The following STK32B variants were observed in gnomAD, a reference collection of about 807,000 sequenced individuals.
STK32B encodes the protein serine/threonine kinase 32B, also known as serine/threonine-protein kinase 32B.
Under a neutral mutation model 52.6 loss-of-function variants are expected in STK32B, and 43 were observed. The observed-to-expected ratio is 0.82, with a 90% confidence interval of 0.64 to 1.05. The LOEUF is 1.05. STK32B is among the 50% of genes least tolerant of loss of function. The probability of loss-of-function intolerance (pLI) is 0.00; values close to 1 mark genes in which losing one functional copy is unlikely to be tolerated. For missense variants in STK32B, 621 were observed against 534.6 expected, an observed-to-expected ratio of 1.16 and a Z score of -1.59; for synonymous variants, 238 against 204.3, an observed-to-expected ratio of 1.17 and a Z score of -1.41.
chr4:5,420,112 G>A (rs1293833454), intron 6 of STK32B, among the ~76,000 whole-genome samples: 1 of 152,106 alleles, frequency 6.6e-6, no homozygotes, highest in Non-Finnish European at 1.5e-5. Context: ...GGCTTAGGAG[G>A]TTGGGTGACT....
intron 4 of STK32B, among the ~76,000 whole-genome samples, chr4:5,355,266 AT>A (rs2108990672): frequency 6.6e-6 from 1 of 152,254 alleles, no homozygotes; most frequent in East Asian, 1.9e-4. Context: ...GCCCACTGCT[AT>A]TATCGTTATA....
chr4:5,412,410 G>T (rs1029303712), intron 5 of STK32B, among the ~76,000 whole-genome samples: 1 of 152,182 alleles, frequency 6.6e-6, no homozygotes, highest in Non-Finnish European at 1.5e-5. Flanking sequence ...AGCATAGCCA[G>T]GGGAAAGCAG....
chr4:5,122,721 G>T (rs1715134922), intron 1 of STK32B, among the ~76,000 whole-genome samples: 2 of 152,126 alleles, frequency 1.3e-5, no homozygotes, highest in South Asian at 4.2e-4. Context: ...GCCAACGCTT[G>T]GAGGACTTAC....
chr4:5,088,142 G>C (rs920940398), intron 1 of STK32B, among the ~76,000 whole-genome samples: 2 of 152,014 alleles, frequency 1.3e-5, no homozygotes, highest in African/African-American at 4.8e-5. Context: ...TAAAAGGAAA[G>C]CTGGAAGATT....
Position 5,317,180 on chromosome 4 carries a change from A to ATATAACATATATATAT in STK32B, c.261-14036_261-14035insACATATATATATTATA, listed in dbSNP as rs1731042373. Among the ~76,000 whole-genome samples, 14 of 49,562 alleles carry ATATAACATATATATAT rather than the reference A, an allele frequency of 2.8e-4. 3 individuals are homozygous for ATATAACATATATATAT. The highest frequency in any genetic ancestry group is 2.6e-3 in the African/African-American group (14 of 5,400). 32.5% of individuals were successfully genotyped at this position (49,562 alleles called of 152,430 possible). ...ATATTACATATATATAACATATAAT[A>ATATAACATATATATAT]TATATATATAACATATATATATTAT... On this transcript the variant is annotated intron_variant, in intron 3 of 11. Coordinates refer to ENST00000282908, the MANE Select transcript of STK32B (RefSeq NM_018401.3).
chr4:5,239,016 C>A (rs1466560957), intron 3 of STK32B, among the ~76,000 whole-genome samples: 4 of 152,158 alleles, frequency 2.6e-5, no homozygotes, highest in Admixed American at 2.6e-4. Context: ...ATTTATCTTA[C>A]ATTTTGAAGG....
chr4:5,054,948 AT>A (rs1201525856), intron 1 of STK32B, among the ~76,000 whole-genome samples: 2 of 152,198 alleles, frequency 1.3e-5, no homozygotes, highest in East Asian at 3.8e-4. Flanking sequence ...CATGCCACAG[AT>A]TAATAGGCAG....
intron 4 of STK32B, among the ~76,000 whole-genome samples, chr4:5,393,823 T>TC (rs978061430): frequency 2.0e-5 from 3 of 152,178 alleles, no homozygotes; most frequent in African/African-American, 7.2e-5. Context: ...GGCAGCGTTC[T>TC]CCTGTCTGCA....
intron 4 of STK32B, among the ~76,000 whole-genome samples, chr4:5,368,166 C>T (rs1734996914): frequency 1.3e-5 from 2 of 152,226 alleles, no homozygotes; most frequent in African/African-American, 2.4e-5. Flanking sequence ...ATTTTGACAT[C>T]CTCTACCCGG....
intron 3 of STK32B, among the ~76,000 whole-genome samples, chr4:5,319,221 T>C (rs1387188217): frequency 6.6e-6 from 1 of 152,202 alleles, no homozygotes; most frequent in Non-Finnish European, 1.5e-5. Flanking sequence ...CAATAATTCC[T>C]GTATGACTAA....
chr4:5,063,310 C>T (rs187556220), intron 1 of STK32B, among the ~76,000 whole-genome samples: 1 of 152,262 alleles, frequency 6.6e-6, no homozygotes, highest in East Asian at 1.9e-4. Context: ...TTTAATAATA[C>T]ATTTTATTTA....
At chr4:5,465,970 A>C (rs912278731) in intron 9 of STK32B, among the ~76,000 whole-genome samples, 1 of 152,144 alleles carries the variant, frequency 6.6e-6, no homozygotes, top group Non-Finnish European at 1.5e-5. Context: ...AGTCCCAAGG[A>C]AGTCATGAAA....
chr4:5,393,018 T>G (rs1415201363), intron 4 of STK32B, among the ~76,000 whole-genome samples: 1 of 152,244 alleles, frequency 6.6e-6, no homozygotes, highest in Non-Finnish European at 1.5e-5. Context: ...TAATTGTCAC[T>G]CAGTTTCTAG....
intron 3 of STK32B, among the ~76,000 whole-genome samples, chr4:5,221,733 G>A (rs1428690835): frequency 6.6e-6 from 1 of 151,800 alleles, no homozygotes; most frequent in African/African-American, 2.4e-5. Flanking sequence ...GTGTGTGCCT[G>A]TAGTCCCAGC....
At chr4:5,195,332 C>G (rs1470940119) in intron 3 of STK32B, among the ~76,000 whole-genome samples, 1 of 152,132 alleles carries the variant, frequency 6.6e-6, no homozygotes, top group East Asian at 1.9e-4. Context: ...GTGCCTGCTG[C>G]CTCCTCCCCT....
chr4:5,400,968 C>T lies in STK32B; in HGVS notation c.472+2724C>T, dbSNP rs74897223. Among the ~76,000 whole-genome samples, 2,032 of 151,958 alleles carry T rather than the reference C, an allele frequency of 0.013. 41 individuals are homozygous for T. Among genetic ancestry groups the T allele is most frequent in the East Asian group, 0.071 (368 of 5,164 alleles). On this transcript the variant is annotated intron_variant, in intron 5 of 11. Transcript: ENST00000282908. This position sits in a 1 kb window ranked among gnomAD's most constrained non-coding sequence, Gnocchi z 6.1. ...CAGAGGGGAGAGGGAAAGGTGTGTG[C>T]GGGGTTGTCTTAGAGGCAGCCGCAT... is the stretch of plus-strand genomic sequence containing the variant.
intron 3 of STK32B, among the ~76,000 whole-genome samples, chr4:5,321,967 G>A (rs1174030420): frequency 3.7e-5 from 5 of 135,564 alleles, no homozygotes; most frequent in African/African-American, 1.4e-4. Context: ...GAGCCATCAT[G>A]TTTGAGTGGC....
chr4:5,168,507 A>G, intron 3 of STK32B, 57 bp downstream of exon 3: 1 of 1,545,314 alleles, frequency 6.5e-7, no homozygotes, highest in Non-Finnish European at 8.7e-7. Flanking sequence ...GCCAAATGCA[A>G]ATTCGCCTCT....
intron 4 of STK32B, among the ~76,000 whole-genome samples, chr4:5,351,052 A>G (rs1733790806): frequency 6.6e-6 from 1 of 152,060 alleles, no homozygotes; most frequent in African/African-American, 2.4e-5. Flanking sequence ...AGCATTAGAC[A>G]TATCACTTAG....
Sources: gnomAD v4.1 joint callset for allele counts (sites outside exome capture counted in the v4.1 genomes callset) on GRCh38, gnomAD v4.1.1 for gene constraint, Gnocchi (gnomAD v3.1) non-coding constraint, MANE v1.5 for transcripts, NCBI Gene and HGNC (gene_info 2026-07-23, HGNC 2026-07-21) for gene names.